The following NRXN3 variants were observed in gnomAD, a reference collection of about 807,000 sequenced individuals.
NRXN3 encodes neurexin III.
In NRXN3, 32 loss-of-function variants were observed where a neutral mutation model predicts 137.6. That is an observed-to-expected ratio of 0.23 (90% CI 0.18 to 0.31). The LOEUF (loss-of-function observed/expected upper bound fraction) is 0.31. Ranked by LOEUF, NRXN3 falls within the 10% of genes least tolerant of loss-of-function variation. NRXN3 has a pLI of 1.00. For missense variants in NRXN3, 1,574 were observed against 2,062.5 expected, an observed-to-expected ratio of 0.76 and a Z score of 4.59; for synonymous variants, 798 against 784.5, an observed-to-expected ratio of 1.02 and a Z score of -0.29.
At chr14:79,106,321 G>T (rs925543100) in intron 15 of NRXN3, among the ~76,000 whole-genome samples, 1 of 152,002 alleles carries the variant, frequency 6.6e-6, no homozygotes. Context: ...ACCCATGTTG[G>T]CAGTATAGAT....
At chr14:79,519,286 A>G (rs925488977) in intron 16 of NRXN3, among the ~76,000 whole-genome samples, 5 of 152,032 alleles carry the variant, frequency 3.3e-5, no homozygotes, top group African/African-American at 1.2e-4. Flanking sequence ...AATTTTATGT[A>G]TCTGCAATTT....
intron 4 of NRXN3, among the ~76,000 whole-genome samples, chr14:78,617,492 G>C (rs541218230): frequency 2.3e-4 from 35 of 152,256 alleles, no homozygotes; most frequent in African/African-American, 7.9e-4. Flanking sequence ...AATCCCTGTG[G>C]CCCAGTTGGT....
chr14:78,648,791 G>A (rs183297835), intron 5 of NRXN3, among the ~76,000 whole-genome samples: 9 of 152,240 alleles, frequency 5.9e-5, no homozygotes, highest in Non-Finnish European at 8.8e-5. Context: ...TTGTATTTCA[G>A]TTCTTTGTAT....
At chr14:78,898,705 C>T (rs1330991921) in intron 10 of NRXN3, among the ~76,000 whole-genome samples, 2 of 151,514 alleles carry the variant, frequency 1.3e-5, no homozygotes, top group African/African-American at 4.9e-5. Context: ...TTTACTTTGC[C>T]CATCTATCTT....
intron 4 of NRXN3, among the ~76,000 whole-genome samples, chr14:78,531,790 A>G (rs1275975657): frequency 1.3e-5 from 2 of 152,126 alleles, no homozygotes; most frequent in Non-Finnish European, 2.9e-5. Flanking sequence ...TTTTGTCCTT[A>G]GGGAAACTGT....
chr14:79,389,239 A>G (rs1006354525), intron 15 of NRXN3, among the ~76,000 whole-genome samples: 6 of 152,226 alleles, frequency 3.9e-5, no homozygotes, highest in Non-Finnish European at 7.3e-5. Context: ...TTATAGTTCT[A>G]GAGGCTGAGA....
intron 8 of NRXN3, among the ~76,000 whole-genome samples, chr14:78,760,506 G>C (rs959457361): frequency 8.2e-5 from 12 of 146,688 alleles, no homozygotes; most frequent in Non-Finnish European, 1.8e-4. Context: ...TTCTAGATGG[G>C]GAAAATAGCA....
intron 16 of NRXN3, among the ~76,000 whole-genome samples, chr14:79,506,711 G>T: frequency 6.6e-6 from 1 of 151,466 alleles, no homozygotes. Flanking sequence ...TTCCCTTCTA[G>T]CTTCATTTGT....
chr14:79,348,679 ATCT>A (rs1233439644), intron 15 of NRXN3, among the ~76,000 whole-genome samples: 3 of 152,222 alleles, frequency 2.0e-5, no homozygotes, highest in South Asian at 2.1e-4. Flanking sequence ...GCCCGGCCTA[ATCT>A]TCTTAATTTG....
chr14:79,589,136 T>C (rs2153819012), intron 16 of NRXN3, among the ~76,000 whole-genome samples: 1 of 152,236 alleles, frequency 6.6e-6, no homozygotes, highest in Middle Eastern at 3.4e-3. Flanking sequence ...GTGCCTGCAG[T>C]CCTAGCTATT....
At chr14:78,698,885 T>A (rs1353552052) in intron 6 of NRXN3, among the ~76,000 whole-genome samples, 5 of 152,040 alleles carry the variant, frequency 3.3e-5, no homozygotes, top group African/African-American at 1.2e-4. Context: ...TACCTTTTCA[T>A]CTCATTACTT....
chr14:78,528,060 A>G (rs1405489819), intron 4 of NRXN3, among the ~76,000 whole-genome samples: 8 of 152,186 alleles, frequency 5.3e-5, no homozygotes, highest in Non-Finnish European at 1.2e-4. Flanking sequence ...ATTAAACTCA[A>G]TTCACTTTTG....
chr14:79,205,200 C>G (rs2066618312), intron 15 of NRXN3, among the ~76,000 whole-genome samples: 2 of 152,196 alleles, frequency 1.3e-5, no homozygotes, highest in Admixed American at 1.3e-4. Context: ...CTGCTTCGTA[C>G]TTGAAAATGG....
intron 16 of NRXN3, among the ~76,000 whole-genome samples, chr14:79,609,458 G>C (rs780739636): frequency 6.6e-6 from 1 of 152,104 alleles, no homozygotes; most frequent in Non-Finnish European, 1.5e-5. Flanking sequence ...TTGAATCCCC[G>C]GCAGAGTAAG....
chr14:79,476,506 A>G (rs2007924), intron 16 of NRXN3, among the ~76,000 whole-genome samples: 45,022 of 151,894 alleles, frequency 0.3, 7,071 homozygotes, highest in South Asian at 0.41. Context: ...CTCATATTCT[A>G]TTTTTGAGTC....
chr14:78,896,189 G>C (rs1367222553), intron 10 of NRXN3, among the ~76,000 whole-genome samples: 1 of 151,856 alleles, frequency 6.6e-6, no homozygotes, highest in Non-Finnish European at 1.5e-5. Context: ...GCTTGTGATA[G>C]GTTTCTCTCC....
At chr14:78,650,471 T>A (rs2097730208) in intron 5 of NRXN3, among the ~76,000 whole-genome samples, 1 of 152,116 alleles carries the variant, frequency 6.6e-6, no homozygotes, top group African/African-American at 2.4e-5. Context: ...TTATTGTTGT[T>A]CTTAGAGTTG....
intron 4 of NRXN3, among the ~76,000 whole-genome samples, chr14:78,577,705 TC>T (rs1566797605): frequency 6.6e-6 from 1 of 152,198 alleles, no homozygotes. Context: ...CCTCAGGTGA[TC>T]CACCCGCCTC....
chr14:79,304,667 G>A (rs1019688964), intron 15 of NRXN3, among the ~76,000 whole-genome samples: 58 of 152,174 alleles, frequency 3.8e-4, no homozygotes, highest in African/African-American at 1.3e-3. Context: ...CTTAAGTTCT[G>A]TTTGTCATTA....
Sources: gnomAD v4.1 joint callset for allele counts (sites outside exome capture counted in the v4.1 genomes callset) on GRCh38, gnomAD v4.1.1 for gene constraint, MANE v1.5 for transcripts, NCBI Gene and HGNC (gene_info 2026-07-23, HGNC 2026-07-21) for gene names.